The following IFRD1 variants were observed in gnomAD, a reference collection of about 807,000 sequenced individuals.
The protein encoded by IFRD1 is interferon-related developmental regulator 1.
Under a neutral mutation model 52.9 loss-of-function variants are expected in IFRD1, and 35 were observed. The observed-to-expected ratio is 0.66, with a 90% CI of 0.51 to 0.88. The LOEUF is 0.88. Among genes scored for constraint, IFRD1 ranks in the 40% least tolerant of loss-of-function variants. The pLI, the probability that IFRD1 is intolerant of heterozygous loss-of-function variation, is 0.00. For synonymous variants in IFRD1, 184 were observed against 188.4 expected, an observed-to-expected ratio of 0.98 and a Z score of 0.19; for missense variants, 517 against 550.8, an observed-to-expected ratio of 0.94 and a Z score of 0.61.
chr7:112,450,339 C>G (rs941767687), upstream of IFRD1: 1 of 280,194 alleles, frequency 3.6e-6, no homozygotes, highest in African/African-American at 2.3e-5. Flanking sequence ...CGCGCCCCGC[C>G]CGACGGAGGC....
intron 1 of IFRD1, among the ~76,000 whole-genome samples, chr7:112,428,332 T>C (rs1054917229): frequency 2.0e-5 from 3 of 152,146 alleles, no homozygotes; most frequent in African/African-American, 7.2e-5. Flanking sequence ...TACCCATAGA[T>C]AGAGTATTCT....
At chr7:112,432,003 T>C (rs1016328792) in intron 1 of IFRD1, among the ~76,000 whole-genome samples, 1 of 152,238 alleles carries the variant, frequency 6.6e-6, no homozygotes, top group Non-Finnish European at 1.5e-5. Flanking sequence ...AGTGTTGTGT[T>C]GGCGGTATGA....
chr7:112,462,252 T>A lies in IFRD1; in HGVS notation c.798-18T>A. On this transcript the variant is annotated intron_variant, in intron 7 of 11. Transcript: ENST00000403825. ...ATAATTGGTTGTATTCACATAGTAATGACTAACTATTTTTTAGGCATTTCC... is the reference window on the plus strand; with the variant it reads ...ATAATTGGTTGTATTCACATAGTAAAGACTAACTATTTTTTAGGCATTTCC... 2 of 1,608,364 alleles carry A rather than the reference T, an allele frequency of 1.2e-6. No homozygotes were observed. Among genetic ancestry groups the A allele is most frequent in the Non-Finnish European group, 1.7e-6 (2 of 1,174,900 alleles).
rs545509365 is a variant in IFRD1 at position 112,423,632 on chromosome 7, T to C, written c.-182+200T>C. 1.1e-3 allele frequency among the ~76,000 whole-genome samples: 162 copies of C among 152,112 alleles called. 5 individuals are homozygous for C. In the South Asian group the frequency reaches 0.017, roughly 16 times the overall value. ...GAAGGTGATCATATGCAGAAGAACA[T>C]GGAGAAAATTAAAAGCAAATAGTGG... On this transcript the variant is annotated intron_variant, in intron 1 of 12. Coordinates refer to the IFRD1 transcript ENST00000005558.
intron 9 of IFRD1, among the ~76,000 whole-genome samples, chr7:112,469,044 A>T (rs1475084711): frequency 1.3e-5 from 2 of 152,004 alleles, no homozygotes; most frequent in African/African-American, 2.4e-5. Flanking sequence ...CCAGGTAAAT[A>T]TTTTTTGGTA....
Position 112,475,428 on chromosome 7 carries a change from A to C in IFRD1, c.1267-2A>C, listed in dbSNP as rs763996010. On this transcript the variant is annotated splice_acceptor_variant, in intron 11 of 11. Coordinates refer to ENST00000403825, the MANE Select transcript of IFRD1 (RefSeq NM_001550.4). LOFTEE classifies it high-confidence loss of function. ...GCACGTTTTTCCTTTTTTTCATTTT[A>C]GCATTTATATAACTCTGCAGCCTTC... 1.3e-6 allele frequency: 2 copies of C among 1,592,010 alleles called. No homozygotes were observed. Among genetic ancestry groups the C allele is most frequent in the Non-Finnish European group, 1.7e-6 (2 of 1,161,072 alleles).
Position 112,450,788 on chromosome 7 carries a change from G to A in IFRD1, c.94+6G>A. 6.2e-7 allele frequency: 1 copy of A among 1,603,256 alleles called. No individual in the cohort carries two copies. On this transcript the variant is annotated splice_donor_region_variant and intron_variant, in intron 1 of 11. Transcript: ENST00000403825. The stretch of plus-strand genomic sequence containing the variant: ...AGCGACGGCGGCGACAGCAGGTAAG[G>A]GGTATCCCCGCCGCCGGCATCCCAG...
Position 112,476,843 on chromosome 7 carries a change from G to A in IFRD1, c.*1324G>A, listed in dbSNP as rs1345563008. Reference sequence around the variant, plus strand: ...TGCTGTAGGTCGCCGTGAGGGGTAGGGAAGCATATATACTGTAGGGAGAAG... The same window carrying A: ...TGCTGTAGGTCGCCGTGAGGGGTAGAGAAGCATATATACTGTAGGGAGAAG... On this transcript the variant is annotated 3_prime_UTR_variant, in exon 12 of 12. Transcript: ENST00000403825. The A allele has an allele frequency of 6.6e-6, 1 of 152,132 alleles. No individual in the cohort carries two copies. The highest frequency in any genetic ancestry group is 2.4e-5 in the African/African-American group (1 of 41,412). 9.4% of individuals were successfully genotyped at this position (152,132 alleles called of 1,614,324 possible).
exon 1 of IFRD1, chr7:112,423,354 T>C (rs1794362144): frequency 6.6e-6 from 1 of 152,236 alleles, no homozygotes; most frequent in Admixed American, 6.5e-5. Flanking sequence ...TTAACATTTA[T>C]TGGTGATCAC....
At chr7:112,450,167 C>T (rs1477859146), upstream of IFRD1, 2 of 160,122 alleles carry the variant, frequency 1.2e-5, no homozygotes, top group East Asian at 3.8e-4. Flanking sequence ...GTGGGGTCAC[C>T]AGGAGAAAAG....
chr7:112,448,025 C>CTA (rs372839571), upstream of IFRD1, among the ~76,000 whole-genome samples: 3 of 148,580 alleles, frequency 2.0e-5, no homozygotes, highest in Non-Finnish European at 4.4e-5. Flanking sequence ...GTTCATTTAA[C>CTA]TATATATATA....
intron 1 of IFRD1, 22 bp downstream of exon 1, chr7:112,450,804 G>A (rs2117278912): frequency 1.9e-6 from 3 of 1,571,550 alleles, no homozygotes; most frequent in Middle Eastern, 1.7e-4. Context: ...CCCCGCCGCC[G>A]GCATCCCAGT....
intron 1 of IFRD1, among the ~76,000 whole-genome samples, chr7:112,436,660 G>A (rs1263185305): frequency 6.6e-6 from 1 of 151,662 alleles, no homozygotes; most frequent in Non-Finnish European, 1.5e-5. Flanking sequence ...GGAGGAGGAG[G>A]GATCAGTTCT....
At chr7:112,439,538 G>A (rs1156778048) in intron 1 of IFRD1, among the ~76,000 whole-genome samples, 1 of 152,204 alleles carries the variant, frequency 6.6e-6, no homozygotes, top group Non-Finnish European at 1.5e-5. Flanking sequence ...GGTAGGTGGT[G>A]CCTGTTGGTT....
rs192395241 is a variant in IFRD1, at chr7:112,440,453, T to C, written c.-181-10055T>C. Among the ~76,000 whole-genome samples the C allele has an allele frequency of 5.3e-5, 8 of 152,360 alleles. No homozygotes were observed. In the East Asian group the frequency reaches 1.5e-3, roughly 29 times the overall value. On this transcript the variant is annotated intron_variant, in intron 1 of 12. Transcript: ENST00000005558. The stretch of plus-strand genomic sequence containing the variant: ...TAATTTAAAGACTATTTTAAATAAA[T>C]ATTTAAATGTGATAAGCCTGGTACG...
intron 1 of IFRD1, chr7:112,451,037 AGT>A: frequency 1.9e-6 from 1 of 532,318 alleles, no homozygotes; most frequent in Non-Finnish European, 3.4e-6. Flanking sequence ...TGGGCCTGAG[AGT>A]GTGTCGGGAC....
chr7:112,428,437 G>T (rs1367848555), intron 1 of IFRD1, among the ~76,000 whole-genome samples: 1 of 152,170 alleles, frequency 6.6e-6, no homozygotes, highest in African/African-American at 2.4e-5. Flanking sequence ...TAGTTAAGAG[G>T]CAGTGACAGG....
Position 112,469,300 on chromosome 7 carries a change from C to A in IFRD1, c.1041+1185C>A, listed in dbSNP as rs142994797. Reference sequence around the variant, plus strand: ...TATACCCTACTTTCCTAATTTTAATCTATTTTTAGAAAAGTAAAATCTAGG... The same window carrying A: ...TATACCCTACTTTCCTAATTTTAATATATTTTTAGAAAAGTAAAATCTAGG... On this transcript the variant is annotated intron_variant, in intron 9 of 11. Transcript: ENST00000403825. Among the ~76,000 whole-genome samples, 11 of 152,192 alleles carry A rather than the reference C, an allele frequency of 7.2e-5. No individual in the cohort carries two copies. In the East Asian group the frequency reaches 2.1e-3, roughly 29 times the overall value.
intron 8 of IFRD1, among the ~76,000 whole-genome samples, chr7:112,463,865 C>CATTTATATAT (rs1795532825): frequency 3.2e-5 from 1 of 30,950 alleles, no homozygotes; most frequent in Non-Finnish European, 7.5e-5. Flanking sequence ...CACACACACA[C>CATTTATATAT]ACACACACAC....
Sources: allele counts gnomAD v4.1 joint callset (sites outside exome capture counted in the v4.1 genomes callset), GRCh38; gene constraint gnomAD v4.1.1; transcripts MANE v1.5; gene names NCBI Gene and HGNC (gene_info 2026-07-23, HGNC 2026-07-21).